Variants in NRG1 observed in about 807,000 individuals in gnomAD.
NRG1 encodes pro-neuregulin-1, membrane-bound isoform.
In NRG1, 18 loss-of-function variants were observed where a neutral mutation model predicts 63.8. The observed-to-expected ratio is 0.28, with a 90% confidence interval of 0.19 to 0.42. NRG1 has a LOEUF of 0.42. Ranked by LOEUF, NRG1 falls within the 10% of genes least tolerant of loss-of-function variation. The pLI, the probability that NRG1 is intolerant of heterozygous loss-of-function variation, is 1.00. For synonymous variants in NRG1, 302 were observed against 301.3 expected (o/e 1.00, Z -0.02); for missense variants, 762 against 814.7 (o/e 0.94, Z 0.79).
At chr8:31,950,239 A>G (rs989390069) in intron 1 of NRG1, among the ~76,000 whole-genome samples, 1 of 152,220 alleles carries the variant, frequency 6.6e-6, no homozygotes, top group African/African-American at 2.4e-5. Context: ...GAAAATACAG[A>G]CAAAGAATTA....
At chr8:32,116,757 A>G (rs942320779) in intron 1 of NRG1, among the ~76,000 whole-genome samples, 5 of 152,084 alleles carry the variant, frequency 3.3e-5, no homozygotes, top group African/African-American at 1.2e-4. Flanking sequence ...AAGTGAAAGC[A>G]TGCTTCTATA....
At chr8:32,293,069 A>C (rs970887816) in intron 1 of NRG1, among the ~76,000 whole-genome samples, 92 of 152,182 alleles carry the variant, frequency 6.0e-4, no homozygotes, top group African/African-American at 2.4e-5. Context: ...ATGCCACTGC[A>C]CTCCAGCCTG....
intron 1 of NRG1, among the ~76,000 whole-genome samples, chr8:32,169,967 G>C (rs568889392): frequency 7.2e-5 from 11 of 152,234 alleles, no homozygotes; most frequent in African/African-American, 2.6e-4. Context: ...TATTGAAAGA[G>C]AAAAGACAAC....
At position 32,646,829 on chromosome 8, in the gene NRG1, G is replaced by A. The variant is rs183291021; in HGVS notation, c.502+29944G>A. On this transcript the variant is annotated intron_variant, in intron 5 of 11. Transcript: ENST00000356819. The stretch of plus-strand genomic sequence containing the variant: ...GTCACTGGCAGTCCTGTGTGGCTGG[G>A]GATACTGATTTTACTCAGACCAGCC... 263 of 985,168 alleles carry A rather than the reference G, an allele frequency of 2.7e-4. No individual in the cohort carries two copies. The African/African-American group carries it at 3.2e-3, about 12-fold the overall frequency. The allele number at this position is 985,168 out of a possible 1,614,324, so 61.0% of individuals were successfully genotyped here.
intron 1 of NRG1, among the ~76,000 whole-genome samples, chr8:32,501,911 G>A (rs1255424515): frequency 1.3e-5 from 2 of 152,176 alleles, no homozygotes; most frequent in Non-Finnish European, 2.9e-5. Context: ...AGGATTGCTT[G>A]AGGCCAGGAG....
intron 1 of NRG1, among the ~76,000 whole-genome samples, chr8:32,205,030 C>T (rs190551336): frequency 6.6e-6 from 1 of 152,236 alleles, no homozygotes; most frequent in African/African-American, 2.4e-5. Flanking sequence ...AAATACTGTG[C>T]AACCTTCGAA....
chr8:31,711,795 G>T (rs976951488), intron 1 of NRG1, among the ~76,000 whole-genome samples: 3 of 152,152 alleles, frequency 2.0e-5, no homozygotes, highest in African/African-American at 7.2e-5. Flanking sequence ...TCTGGTGAGG[G>T]CTGCTTCCTG....
chr8:31,825,590 C>A (rs1390230076), intron 1 of NRG1, among the ~76,000 whole-genome samples: 1 of 151,786 alleles, frequency 6.6e-6, no homozygotes, highest in African/African-American at 2.4e-5. Flanking sequence ...GGGACTGAGA[C>A]ACAGAGAAGT....
chr8:32,402,740 C>A (rs67790398), intron 1 of NRG1, among the ~76,000 whole-genome samples: 228 of 152,092 alleles, frequency 1.5e-3, no homozygotes, highest in Non-Finnish European at 2.8e-3. Context: ...TGAGTGAAAA[C>A]TCTTAATAAG....
At chr8:31,807,322 G>GT (rs1822385259) in intron 1 of NRG1, among the ~76,000 whole-genome samples, 1 of 152,170 alleles carries the variant, frequency 6.6e-6, no homozygotes, top group Admixed American at 6.5e-5. Flanking sequence ...TGTATCAACA[G>GT]TAGTGATGGT....
chr8:32,175,779 T>G (rs1031000123), intron 1 of NRG1, among the ~76,000 whole-genome samples: 1 of 152,170 alleles, frequency 6.6e-6, no homozygotes, highest in Non-Finnish European at 1.5e-5. Context: ...TTACAAGGGA[T>G]GTGAAGGACC....
intron 1 of NRG1, among the ~76,000 whole-genome samples, chr8:32,095,873 G>T (rs183034009): frequency 6.6e-6 from 1 of 152,138 alleles, no homozygotes; most frequent in African/African-American, 2.4e-5. Context: ...GGAAATAAAA[G>T]ATATAGAAGC....
chr8:31,927,750 C>CTT, intron 1 of NRG1, among the ~76,000 whole-genome samples: 1 of 148,084 alleles, frequency 6.8e-6, no homozygotes, highest in African/African-American at 2.5e-5. Context: ...GCCCGGCCTA[C>CTT]TTTTTTTTTT....
intron 1 of NRG1, among the ~76,000 whole-genome samples, chr8:31,714,983 G>A (rs1812207542): frequency 6.6e-6 from 1 of 151,710 alleles, no homozygotes; most frequent in Admixed American, 6.6e-5. Flanking sequence ...TTTAAATTTT[G>A]CATATAAAAA....
intron 1 of NRG1, among the ~76,000 whole-genome samples, chr8:31,882,836 TA>T (rs1422890619): frequency 6.6e-6 from 1 of 152,162 alleles, no homozygotes; most frequent in Non-Finnish European, 1.5e-5. Context: ...AATCTCATGC[TA>T]AAACTTGAAT....
chr8:32,063,742 T>A (rs911974722), intron 1 of NRG1, among the ~76,000 whole-genome samples: 5 of 152,044 alleles, frequency 3.3e-5, no homozygotes, highest in African/African-American at 1.2e-4. Context: ...AACACAAACA[T>A]TTTATATTGT....
intron 1 of NRG1, among the ~76,000 whole-genome samples, chr8:32,283,506 T>C (rs555443677): frequency 1.3e-5 from 2 of 152,278 alleles, no homozygotes; most frequent in Admixed American, 6.5e-5. Flanking sequence ...TAGAACGCAA[T>C]GAAACCCAAC....
At chr8:32,236,119 T>G (rs184871815) in intron 1 of NRG1, among the ~76,000 whole-genome samples, 17,813 of 151,640 alleles carry the variant, frequency 0.12, 1,112 homozygotes, top group East Asian at 0.28. Context: ...TTTTTTGTTT[T>G]TGTGTGTGTA....
In NRG1 at chr8:32,673,128, C is replaced by T. The variant is rs148564697; in HGVS notation, c.503-54821C>T. ...AATGGTTTGGTGTCACACCACAAAG[C>T]GAGTTATTTTAAAGCCATTGGAGGA... is the stretch of plus-strand genomic sequence containing the variant. On this transcript the variant is annotated intron_variant, in intron 5 of 11. Coordinates refer to ENST00000356819, the Ensembl canonical transcript of NRG1. 2.5e-3 allele frequency among the ~76,000 whole-genome samples: 386 copies of T among 152,240 alleles called. 4 individuals are homozygous for T. The South Asian group carries it at 0.033, about 13-fold the overall frequency.
Sources: gnomAD v4.1 joint callset for allele counts (sites outside exome capture counted in the v4.1 genomes callset) on GRCh38, gnomAD v4.1.1 for gene constraint, MANE v1.5 for transcripts, NCBI Gene and HGNC (gene_info 2026-07-23, HGNC 2026-07-21) for gene names.